The following STK31 variants were observed in gnomAD, a reference collection of about 807,000 sequenced individuals.
The protein encoded by STK31 is serine/threonine kinase 31, also known as serine/threonine-protein kinase 31.
In STK31, 89 loss-of-function variants were observed where a neutral mutation model predicts 129.7. That is an observed-to-expected ratio of 0.69 (90% confidence interval 0.58 to 0.82). STK31 has a LOEUF of 0.82. Ranked by LOEUF, STK31 falls within the 40% of genes least tolerant of loss-of-function variation. STK31 has a pLI of 0.00. For missense variants in STK31, 1,187 were observed against 1,176.4 expected (o/e 1.01, Z -0.13); for synonymous variants, 448 against 395.3 (o/e 1.13, Z -1.58).
intron 22 of STK31, among the ~76,000 whole-genome samples, chr7:23,791,526 A>T (rs190372270): frequency 6.6e-6 from 1 of 152,164 alleles, no homozygotes; most frequent in East Asian, 1.9e-4. Flanking sequence ...TAGGCTGATT[A>T]CCTGGGTGAC....
intron 22 of STK31, chr7:23,811,402 T>G: frequency 3.0e-6 from 1 of 338,174 alleles, no homozygotes; most frequent in Non-Finnish European, 6.0e-6. Context: ...TCTTGTAGGC[T>G]TCTTTTATGA....
At chr7:23,803,152 G>A (rs1423390243) in intron 22 of STK31, among the ~76,000 whole-genome samples, 1 of 152,032 alleles carries the variant, frequency 6.6e-6, no homozygotes, top group Non-Finnish European at 1.5e-5. Flanking sequence ...AGTTAGTTTG[G>A]TACGAAAGGC....
At chr7:23,750,067 T>TCCCCTCCCCC (rs1788613515) in intron 8 of STK31, among the ~76,000 whole-genome samples, 1 of 90,556 alleles carries the variant, frequency 1.1e-5, no homozygotes, top group Non-Finnish European at 2.3e-5. Flanking sequence ...ATGGTTTGTT[T>TCCCCTCCCCC]CCCCCCCCGC....
chr7:23,746,327 T>C (rs1378018803), intron 8 of STK31, among the ~76,000 whole-genome samples: 1 of 152,188 alleles, frequency 6.6e-6, no homozygotes, highest in African/African-American at 2.4e-5. Context: ...CACTGGGGTC[T>C]CTCATTTACC....
intron 15 of STK31, among the ~76,000 whole-genome samples, chr7:23,777,289 T>A (rs1010031561): frequency 1.3e-5 from 2 of 152,218 alleles, no homozygotes; most frequent in African/African-American, 2.4e-5. Context: ...CTGAAAAGAA[T>A]GTATATTCTG....
At chr7:23,757,568 G>T (rs541157869) in intron 10 of STK31, among the ~76,000 whole-genome samples, 2 of 152,144 alleles carry the variant, frequency 1.3e-5, no homozygotes, top group Non-Finnish European at 2.9e-5. Context: ...TTAAAGAGTA[G>T]TATTGCCGTC....
chr7:23,734,503 TATTAAA>T (rs1279994211), intron 6 of STK31, among the ~76,000 whole-genome samples: 1 of 152,230 alleles, frequency 6.6e-6, no homozygotes, highest in Non-Finnish European at 1.5e-5. Context: ...GATAAGTTCT[TATTAAA>T]ATTAAGTCTC....
intron 6 of STK31, 147 bp downstream of exon 6, chr7:23,729,396 A>G: frequency 2.9e-6 from 2 of 679,226 alleles, no homozygotes; most frequent in South Asian, 2.8e-5. Context: ...GCAATTATAT[A>G]TTTATGCTCA....
intron 21 of STK31, among the ~76,000 whole-genome samples, chr7:23,788,522 G>A (rs920027438): frequency 6.6e-6 from 1 of 152,094 alleles, no homozygotes; most frequent in Non-Finnish European, 1.5e-5. Context: ...GATTAATAAT[G>A]TGCATTTTTA....
At chr7:23,742,134 T>A (rs2128085348) in intron 8 of STK31, among the ~76,000 whole-genome samples, 1 of 152,296 alleles carries the variant, frequency 6.6e-6, no homozygotes, top group South Asian at 2.1e-4. Context: ...GGGCAGTGAC[T>A]GGGGCTGTGT....
chr7:23,780,750 A>G (rs560812889), intron 15 of STK31, among the ~76,000 whole-genome samples: 1 of 152,326 alleles, frequency 6.6e-6, no homozygotes, highest in South Asian at 2.1e-4. Flanking sequence ...GGTAAAATTC[A>G]ACAGAACTGT....
chr7:23,742,936 C>G (rs906320691), intron 8 of STK31, among the ~76,000 whole-genome samples: 2 of 144,434 alleles, frequency 1.4e-5, no homozygotes, highest in Non-Finnish European at 3.0e-5. Flanking sequence ...GTTTGCTTTA[C>G]TCTGTGGGTT....
chr7:23,825,532 A>T (rs185764475), intron 23 of STK31, among the ~76,000 whole-genome samples: 5 of 151,900 alleles, frequency 3.3e-5, no homozygotes, highest in African/African-American at 1.2e-4. Context: ...AATTTTGTTG[A>T]TCTTTTCAAA....
chr7:23,799,903 C>A (rs1480577078), intron 22 of STK31, among the ~76,000 whole-genome samples: 1 of 152,078 alleles, frequency 6.6e-6, no homozygotes, highest in African/African-American at 2.4e-5. Context: ...AAGAAAACAA[C>A]CCCATCAAAA....
Position 23,788,042 on chromosome 7 carries a change from AATTCATGGATCACTT to A in STK31, c.2551_2565del (p.Ile851_Leu855del). On this transcript the variant is annotated inframe_deletion, in exon 21 of 24. Coordinates refer to ENST00000355870, the MANE Select transcript of STK31 (RefSeq NM_031414.5). ...TGCATACATTGCATAAGGCTGACAT[AATTCATGGATCACTT>A]CATCAGAACAATGTATTTGCTTTAA... is the stretch of plus-strand genomic sequence containing the variant. The A allele has an allele frequency of 6.2e-7, 1 of 1,612,014 alleles. No individual in the cohort carries two copies. The highest frequency in any genetic ancestry group is 1.1e-5 in the South Asian group (1 of 90,652).
At chr7:23,763,162 C>T (rs921463549) in intron 11 of STK31, among the ~76,000 whole-genome samples, 1 of 152,122 alleles carries the variant, frequency 6.6e-6, no homozygotes, top group African/African-American at 2.4e-5. Flanking sequence ...CCAGTATTCA[C>T]TGGGGAAATT....
At chr7:23,767,604 T>G (rs1330215621) in intron 11 of STK31, among the ~76,000 whole-genome samples, 6 of 152,042 alleles carry the variant, frequency 3.9e-5, no homozygotes, top group African/African-American at 1.2e-4. Context: ...AGGGGAGAAG[T>G]GAAGGAAAGA....
chr7:23,769,538 A>T, intron 12 of STK31, 102 bp from the exon 13 acceptor site: 1 of 755,978 alleles, frequency 1.3e-6, no homozygotes, highest in Non-Finnish European at 2.1e-6. Context: ...GTTCTTTTAC[A>T]TTGCCCAGGG....
chr7:23,826,201 T>TA (rs1794140237), intron 23 of STK31, among the ~76,000 whole-genome samples: 1 of 152,212 alleles, frequency 6.6e-6, no homozygotes, highest in South Asian at 2.1e-4. Context: ...AGTGGGGTGT[T>TA]AAAGTCTCCC....
Sources: gnomAD v4.1 joint callset for allele counts (sites outside exome capture counted in the v4.1 genomes callset) on GRCh38, gnomAD v4.1.1 for gene constraint, MANE v1.5 for transcripts, NCBI Gene and HGNC (gene_info 2026-07-23, HGNC 2026-07-21) for gene names.